The following AKAP8 variants were observed in gnomAD, a reference collection of about 807,000 sequenced individuals.
The protein encoded by AKAP8 is A-kinase anchoring protein 8.
Under a neutral mutation model 67.5 loss-of-function variants are expected in AKAP8, and 24 were observed. That is an observed-to-expected ratio of 0.36 (90% CI 0.26 to 0.50). The LOEUF (loss-of-function observed/expected upper bound fraction) is 0.50, where lower values mean the gene tolerates loss of function less well. AKAP8 is among the 20% of genes least tolerant of loss of function. The pLI is 0.97. For synonymous variants in AKAP8, 400 were observed against 371.1 expected, an observed-to-expected ratio of 1.08 and a Z score of -0.90; for missense variants, 971 against 955.9, an observed-to-expected ratio of 1.02 and a Z score of -0.21.
chr19:15,368,362 T>C, intron 8 of AKAP8, 40 bp from the exon 9 acceptor site: 2 of 1,612,264 alleles, frequency 1.2e-6, no homozygotes, highest in Non-Finnish European at 1.7e-6. Context: ...CTGAGTGGCC[T>C]GCAAAGGAGC....
Position 15,361,660 on chromosome 19 carries a change from C to T in AKAP8, c.1396+69G>A, listed in dbSNP as rs763142771. The T allele has an allele frequency of 5.8e-5, 84 of 1,445,882 alleles. No individual in the cohort carries two copies. In the African/African-American group the frequency reaches 9.7e-4, roughly 17 times the overall value. 89.6% of individuals were successfully genotyped at this position (1,445,882 alleles called of 1,614,324 possible). A position where few individuals can be genotyped will look rare whatever the true frequency, so the allele number is the denominator to read the frequency against. On this transcript the variant is annotated intron_variant, in intron 11 of 13. Transcript: ENST00000269701. ...AGCCACCGTGCCCGGCCTCGTGCCA[C>T]GTTTTACGGGTCCTGTCACATGCCT...
In AKAP8 at chr19:15,354,388, GGTCA is replaced by G. The variant is rs1425125888; in HGVS notation, c.*523_*526del. ...CTTTGGGAGTGCGTGGATGTGACGC[GGTCA>G]GTGCCACATGTGAACCAGGTGCTGC... is the stretch of plus-strand genomic sequence containing the variant. On this transcript the variant is annotated 3_prime_UTR_variant, in exon 14 of 14. Coordinates refer to ENST00000269701, the MANE Select transcript of AKAP8 (RefSeq NM_005858.4). 2 of 158,302 alleles carry G rather than the reference GGTCA, an allele frequency of 1.3e-5. No homozygotes were observed. The highest frequency in any genetic ancestry group is 2.8e-5 in the Non-Finnish European group (2 of 71,336). The allele number at this position is 158,302 out of a possible 1,614,324, so 9.8% of individuals were successfully genotyped here.
intron 1 of AKAP8, chr19:15,379,365 T>G: frequency 3.3e-6 from 1 of 303,356 alleles, no homozygotes. Context: ...AAGCCGGGAG[T>G]GCAAACCCCG....
At chr19:15,379,483 G>A in intron 1 of AKAP8, 2 of 484,626 alleles carry the variant, frequency 4.1e-6, no homozygotes, top group South Asian at 3.5e-5. Context: ...CCAACCCCGA[G>A]TCCCGCCCGC....
At chr19:15,374,859 C>T (rs550919489) in intron 2 of AKAP8, among the ~76,000 whole-genome samples, 3 of 152,302 alleles carry the variant, frequency 2.0e-5, no homozygotes, top group East Asian at 1.9e-4. Context: ...GCCAACCGTC[C>T]GTCAGGGCAA....
chr19:15,360,008 G>A (rs1478705310), intron 12 of AKAP8, among the ~76,000 whole-genome samples: 2 of 151,968 alleles, frequency 1.3e-5, no homozygotes, highest in Admixed American at 6.6e-5. Context: ...TGTGGTGGGC[G>A]CCTGTAATCC....
chr19:15,367,817 G>C (rs1453903923), intron 9 of AKAP8, among the ~76,000 whole-genome samples: 1 of 152,206 alleles, frequency 6.6e-6, no homozygotes, highest in Admixed American at 6.5e-5. Flanking sequence ...GTGAACACAG[G>C]ACAGTGTCTG....
chr19:15,373,136 C>T lies in AKAP8; in HGVS notation c.576G>A (p.Gln192=). ...SLDGFMRGRG[Q]GRFQDRSNPG... Reference sequence around the variant, plus strand: ...GGTTGCTCCGGTCCTGGAAGCGGCCCTGGCCCCGGCCCCGCATGAAGCCAT... The same window carrying T: ...GGTTGCTCCGGTCCTGGAAGCGGCCTTGGCCCCGGCCCCGCATGAAGCCAT... Residue 192 remains glutamine, a synonymous_variant, in exon 5 of 14, where the codon CAG becomes CAA. Transcript: ENST00000269701. The T allele has an allele frequency of 6.2e-7, 1 of 1,613,064 alleles. No individual in the cohort carries two copies. The highest frequency in any genetic ancestry group is 8.5e-7 in the Non-Finnish European group (1 of 1,179,908).
rs962150485 is a variant in AKAP8, at chr19:15,369,500, C to A, written c.1072+646G>T. 6.6e-6 allele frequency among the ~76,000 whole-genome samples: 1 copy of A among 152,218 alleles called. No individual in the cohort carries two copies. Among genetic ancestry groups the A allele is most frequent in the African/African-American group, 2.4e-5 (1 of 41,456 alleles). On this transcript the variant is annotated intron_variant, in intron 8 of 13. Transcript: ENST00000269701. The surrounding 1 kb of genome is among the most constrained non-coding windows in gnomAD (Gnocchi z 4.6). ...TGGCTTCAGGGTGAGCTCCAGGCCG[C>A]GGCACCTCAGGCCGCTCTGCCATGA...
chr19:15,377,164 C>T, intron 1 of AKAP8, 150 bp from the exon 2 acceptor site: 1 of 829,628 alleles, frequency 1.2e-6, no homozygotes, highest in South Asian at 1.9e-5. Context: ...AAAGCCATCA[C>T]ACAACTGGCT....
chr19:15,360,089 C>T (rs550469831), intron 12 of AKAP8, among the ~76,000 whole-genome samples: 2 of 150,896 alleles, frequency 1.3e-5, no homozygotes, highest in South Asian at 2.1e-4. Flanking sequence ...GAACTGAGAT[C>T]GTGCCACTGC....
chr19:15,362,085 G>T (rs1258782520), intron 10 of AKAP8, 25 bp downstream of exon 10: 1 of 1,612,492 alleles, frequency 6.2e-7, no homozygotes, highest in South Asian at 1.1e-5. Flanking sequence ...AAGAGACGCG[G>T]TGACGGGGCC....
intron 5 of AKAP8, 114 bp from the exon 6 acceptor site, chr19:15,372,461 A>T (rs1367568858): frequency 1.4e-6 from 2 of 1,394,254 alleles, no homozygotes; most frequent in South Asian, 2.7e-5. Context: ...GGTCTTTTCA[A>T]AAAGCAAAGA....
chr19:15,374,816 C>T (rs1259074708), intron 2 of AKAP8, among the ~76,000 whole-genome samples, 181 bp from the exon 3 acceptor site: 1 of 152,210 alleles, frequency 6.6e-6, no homozygotes, highest in Non-Finnish European at 1.5e-5. Context: ...GGCTGAGAGG[C>T]TGAGCACAAG....
intron 7 of AKAP8, among the ~76,000 whole-genome samples, chr19:15,370,722 C>T (rs1179793168): frequency 7.6e-6 from 1 of 132,030 alleles, no homozygotes; most frequent in Non-Finnish European, 1.5e-5. Context: ...ACCTCTGCTT[C>T]CTGGGTTGAA....
At chr19:15,376,132 C>A (rs553692196) in intron 2 of AKAP8, among the ~76,000 whole-genome samples, 3 of 151,950 alleles carry the variant, frequency 2.0e-5, no homozygotes, top group Admixed American at 6.6e-5. Flanking sequence ...CACTTGAGCT[C>A]GGGTCTCGAA....
chr19:15,375,288 A>C (rs1779812160), intron 2 of AKAP8, among the ~76,000 whole-genome samples: 1 of 152,232 alleles, frequency 6.6e-6, no homozygotes, highest in Non-Finnish European at 1.5e-5. Context: ...ACTCTAAAGC[A>C]GGGATCTGCA....
chr19:15,372,944 G>A lies in AKAP8; in HGVS notation c.768C>T (p.Tyr256=), dbSNP rs1343180881. 2 of 1,542,468 alleles carry A rather than the reference G, an allele frequency of 1.3e-6. No individual in the cohort carries two copies. The highest frequency in any genetic ancestry group is 2.7e-5 in the African/African-American group (2 of 72,796). ...SLFSQSMAPD[Y]GVMGMQGAGG... is the part of the protein sequence containing the mutation. ...CCGCCCCCTGCATGCCCATCACGCC[G>A]TAGTCGGGAGCCATGGACTGGGAGA... Residue 256 remains tyrosine (Y), a synonymous_variant, in exon 5 of 14, where the codon TAC becomes TAT. Transcript: ENST00000269701.
intron 9 of AKAP8, among the ~76,000 whole-genome samples, chr19:15,365,281 G>C (rs182754101): frequency 1.3e-5 from 2 of 152,324 alleles, no homozygotes; most frequent in Admixed American, 1.3e-4. Context: ...ACAAAACCCA[G>C]TATCAGTTCT....
Sources: gnomAD v4.1 joint callset for allele counts (sites outside exome capture counted in the v4.1 genomes callset) on GRCh38, gnomAD v4.1.1 for gene constraint, Gnocchi (gnomAD v3.1) non-coding constraint, MANE v1.5 for transcripts, NCBI Gene and HGNC (gene_info 2026-07-23, HGNC 2026-07-21) for gene names.